Variants in PTPRD observed in about 807,000 individuals in gnomAD.
PTPRD encodes receptor-type tyrosine-protein phosphatase delta.
PTPRD carries 34 observed loss-of-function variants against 214.5 expected under a neutral mutation model. The ratio of observed to expected loss-of-function variants is 0.16; its 90% CI spans 0.12 to 0.21. The LOEUF (loss-of-function observed/expected upper bound fraction) is 0.21, where lower values mean the gene tolerates loss of function less well. Ranked by LOEUF, PTPRD falls within the 10% of genes least tolerant of loss-of-function variation. The pLI is 1.00. For missense variants in PTPRD, 2,545 were observed against 2,398.7 expected (o/e 1.06, Z -1.27); for synonymous variants, 1,128 against 845.7 (o/e 1.33, Z -5.79).
chr9:8,787,375 C>A (rs1287451458), intron 11 of PTPRD, among the ~76,000 whole-genome samples: 2 of 152,264 alleles, frequency 1.3e-5, no homozygotes, highest in East Asian at 3.9e-4. Context: ...TGGGTACTAA[C>A]CCCTTAAACA....
chr9:9,966,202 G>A (rs780840237), intron 4 of PTPRD, among the ~76,000 whole-genome samples: 26 of 152,122 alleles, frequency 1.7e-4, no homozygotes, highest in African/African-American at 5.8e-4. Flanking sequence ...AAGACCTAAG[G>A]CTATTTTTCG....
intron 33 of PTPRD, chr9:8,451,914 C>T (rs1179686623): frequency 2.0e-6 from 1 of 497,490 alleles, no homozygotes. Context: ...TGTAGGGTAA[C>T]CTCCTTATCT....
At chr9:10,193,854 T>C (rs904028062) in intron 3 of PTPRD, among the ~76,000 whole-genome samples, 24 of 151,990 alleles carry the variant, frequency 1.6e-4, no homozygotes, top group Non-Finnish European at 7.4e-5. Flanking sequence ...GAAGAAAAAA[T>C]GCAAAATTTT....
chr9:10,602,164 T>A (rs1242333822), intron 2 of PTPRD, among the ~76,000 whole-genome samples: 1 of 151,850 alleles, frequency 6.6e-6, no homozygotes, highest in Middle Eastern at 3.2e-3. Context: ...TCTTGTGGTA[T>A]TAATTAAAAT....
chr9:9,783,180 T>G (rs1597677137), intron 5 of PTPRD, among the ~76,000 whole-genome samples: 1 of 152,178 alleles, frequency 6.6e-6, no homozygotes, highest in Admixed American at 6.5e-5. Flanking sequence ...GTAAAGCTGT[T>G]TGTTTTTGAT....
intron 3 of PTPRD, among the ~76,000 whole-genome samples, chr9:10,176,706 G>A (rs895653628): frequency 6.6e-6 from 1 of 151,962 alleles, no homozygotes; most frequent in African/African-American, 2.4e-5. Flanking sequence ...CCTCAACCAT[G>A]TTTATGAGCC....
At chr9:9,824,696 G>T (rs988292534) in intron 5 of PTPRD, among the ~76,000 whole-genome samples, 2 of 151,902 alleles carry the variant, frequency 1.3e-5, no homozygotes, top group Non-Finnish European at 2.9e-5. Flanking sequence ...TTAGGAATCA[G>T]AAAAACTGAA....
At chr9:9,252,385 C>T (rs1015279150) in intron 9 of PTPRD, among the ~76,000 whole-genome samples, 6 of 152,148 alleles carry the variant, frequency 3.9e-5, no homozygotes, top group East Asian at 1.9e-4. Context: ...ACCTTACCCT[C>T]GTTTATTGTA....
At chr9:10,519,886 T>A (rs915289314) in intron 2 of PTPRD, among the ~76,000 whole-genome samples, 4 of 151,966 alleles carry the variant, frequency 2.6e-5, no homozygotes, top group African/African-American at 7.3e-5. Flanking sequence ...AAGTCCTGCA[T>A]CCCCCCATCA....
intron 5 of PTPRD, among the ~76,000 whole-genome samples, chr9:9,866,746 G>T (rs2064060447): frequency 6.6e-6 from 1 of 151,960 alleles, no homozygotes; most frequent in Non-Finnish European, 1.5e-5. Flanking sequence ...TATATTTTAT[G>T]ACTGTATTTA....
intron 8 of PTPRD, among the ~76,000 whole-genome samples, chr9:9,573,267 A>T (rs186794194): frequency 1.3e-5 from 2 of 151,732 alleles, no homozygotes; most frequent in Admixed American, 1.3e-4. Flanking sequence ...TAGAATACAG[A>T]AAAAGGAGCC....
At chr9:8,447,942 G>A (rs1416490478) in intron 34 of PTPRD, among the ~76,000 whole-genome samples, 2 of 152,174 alleles carry the variant, frequency 1.3e-5, no homozygotes, top group African/African-American at 2.4e-5. Context: ...AAGGAATCAT[G>A]TAGCAGATCA....
chr9:9,042,075 T>G (rs324526), intron 10 of PTPRD, among the ~76,000 whole-genome samples: 1 of 151,972 alleles, frequency 6.6e-6, no homozygotes, highest in Non-Finnish European at 1.5e-5. Flanking sequence ...GTCTGGCTAT[T>G]GTGACTAGAC....
chr9:10,166,530 GCTT>G (rs1314937606), intron 3 of PTPRD, among the ~76,000 whole-genome samples: 2 of 151,914 alleles, frequency 1.3e-5, no homozygotes, highest in African/African-American at 4.8e-5. Context: ...TTTGCTAAAT[GCTT>G]CTTCTCTGGA....
chr9:9,441,487 C>G (rs898686544), intron 8 of PTPRD, among the ~76,000 whole-genome samples: 2 of 152,146 alleles, frequency 1.3e-5, no homozygotes, highest in Non-Finnish European at 2.9e-5. Flanking sequence ...GCATAGAGTG[C>G]TGAGGCTTCA....
chr9:9,654,635 T>C (rs1289989228), intron 7 of PTPRD, among the ~76,000 whole-genome samples: 4 of 152,204 alleles, frequency 2.6e-5, no homozygotes, highest in African/African-American at 4.8e-5. Flanking sequence ...ACATTCTACA[T>C]TCCCATGTTT....
chr9:8,670,019 CT>C (rs200868702), intron 12 of PTPRD, among the ~76,000 whole-genome samples: 353 of 142,048 alleles, frequency 2.5e-3, no homozygotes, highest in East Asian at 6.7e-3. Context: ...TTTTCTGCCT[CT>C]TTTTTTTTTT....
intron 12 of PTPRD, among the ~76,000 whole-genome samples, chr9:8,715,892 T>A (rs969301606): frequency 2.0e-5 from 3 of 152,230 alleles, no homozygotes; most frequent in African/African-American, 7.2e-5. Flanking sequence ...ACAGAAATAG[T>A]ACACAGACAT....
At chr9:8,328,460 C>G (rs558739168) in intron 44 of PTPRD, among the ~76,000 whole-genome samples, 2 of 152,086 alleles carry the variant, frequency 1.3e-5, no homozygotes, top group African/African-American at 2.4e-5. Flanking sequence ...TTTTTTCCTT[C>G]GTTTCAAGCT....
Sources: gnomAD v4.1 joint callset for allele counts (sites outside exome capture counted in the v4.1 genomes callset) on GRCh38, gnomAD v4.1.1 for gene constraint, MANE v1.5 for transcripts, NCBI Gene and HGNC (gene_info 2026-07-23, HGNC 2026-07-21) for gene names.